RBM44: variants seen among roughly 807,000 people sequenced by gnomAD.
RBM44 encodes the protein RNA binding motif protein 44, also known as RNA-binding protein 44.
RBM44 carries 66 observed loss-of-function variants against 105.1 expected under a neutral mutation model. The ratio of observed to expected loss-of-function variants is 0.63; its 90% CI spans 0.52 to 0.77. The LOEUF (loss-of-function observed/expected upper bound fraction) is 0.77. RBM44 is among the 30% of genes least tolerant of loss of function. RBM44 has a pLI of 0.00. For synonymous variants in RBM44, 365 were observed against 417.6 expected, an observed-to-expected ratio of 0.87 and a Z score of 1.54; for missense variants, 1,122 against 1,207.8, an observed-to-expected ratio of 0.93 and a Z score of 1.05.
At chr2:237,834,653 C>T (rs2061939209) in intron 15 of RBM44, 3 of 207,788 alleles carry the variant, frequency 1.4e-5, no homozygotes, top group Non-Finnish European at 2.8e-5. Flanking sequence ...GTTTGCAGAT[C>T]AGGATTCAGG....
chr2:237,817,234 T>C lies in RBM44; in HGVS notation c.315T>C (p.Tyr105=), dbSNP rs1025486772. 3.1e-6 allele frequency: 5 copies of C among 1,605,072 alleles called. No individual in the cohort carries two copies. Among genetic ancestry groups the C allele is most frequent in the East Asian group, 2.2e-5 (1 of 44,740 alleles). ...GTGAACTTGAAGACAGTACTGACTA[T>C]GCTTTCTTGAATAAAACATATTCTA... is the stretch of plus-strand genomic sequence containing the variant. The part of the protein sequence containing the change: ...QSSELEDSTD[Y]AFLNKTYSIP... Residue 105 remains tyrosine, a synonymous_variant, in exon 3 of 16, where the codon TAT becomes TAC. Transcript: ENST00000316997.
chr2:237,812,939 T>G (rs151165802), intron 1 of RBM44, among the ~76,000 whole-genome samples: 2 of 152,338 alleles, frequency 1.3e-5, no homozygotes, highest in Admixed American at 6.5e-5. Flanking sequence ...CCCCAAAATA[T>G]GTACATCTAA....
rs2062017539 is a variant in RBM44 at position 237,842,125 on chromosome 2, A to G, written c.*309A>G. 1 of 152,122 alleles carries G rather than the reference A, an allele frequency of 6.6e-6. No homozygotes were observed. The highest frequency in any genetic ancestry group is 2.1e-4 in the South Asian group (1 of 4,824). 9.4% of individuals were successfully genotyped at this position (152,122 alleles called of 1,614,324 possible). A position where few individuals can be genotyped will look rare whatever the true frequency, so the allele number is the denominator to read the frequency against. ...AGATGCATATTTGTGATCTAAAGAAATTGTCTTGTCCATTTTAAAAACCTT... is the reference window on the plus strand; with the variant it reads ...AGATGCATATTTGTGATCTAAAGAAGTTGTCTTGTCCATTTTAAAAACCTT... On this transcript the variant is annotated 3_prime_UTR_variant, in exon 16 of 16. Transcript: ENST00000316997.
At chr2:237,827,387 G>T (rs372759637) in intron 11 of RBM44, 46 bp from the exon 12 acceptor site, 6 of 1,461,910 alleles carry the variant, frequency 4.1e-6, no homozygotes, top group East Asian at 2.4e-5. Context: ...GTTCATATTT[G>T]TTGTTTTTTT....
At chr2:237,811,560 G>A (rs78706467) in intron 1 of RBM44, among the ~76,000 whole-genome samples, 1,608 of 151,950 alleles carry the variant, frequency 0.011, 16 homozygotes, top group Middle Eastern at 0.027. Flanking sequence ...ATGAGCCACC[G>A]TGCCCAGCTA....
intron 1 of RBM44, among the ~76,000 whole-genome samples, chr2:237,802,505 GT>G (rs2061555238): frequency 6.6e-6 from 1 of 152,164 alleles, no homozygotes; most frequent in African/African-American, 2.4e-5. Flanking sequence ...TACCAAAAAG[GT>G]TGTGGACTGT....
rs1369281267 is a variant in RBM44, at chr2:237,818,634, A to G, written c.1677+38A>G. The G allele has an allele frequency of 7.4e-7, 1 of 1,356,660 alleles. No individual in the cohort carries two copies. The highest frequency in any genetic ancestry group is 1.5e-5 in the African/African-American group (1 of 67,728). 84.0% of individuals were successfully genotyped at this position (1,356,660 alleles called of 1,614,324 possible). A position where few individuals can be genotyped will look rare whatever the true frequency, so the allele number is the denominator to read the frequency against. On this transcript the variant is annotated intron_variant, in intron 3 of 15. Coordinates refer to ENST00000316997, the MANE Select transcript of RBM44 (RefSeq NM_001080504.3). This position sits in a 1 kb window ranked among gnomAD's most constrained non-coding sequence, Gnocchi z 4.6. ...TGAGTAATAATAAAATTTGGACTTT[A>G]TAAAGAGACAGTGTATGCTAATGTA... is the stretch of plus-strand genomic sequence containing the variant.
At chr2:237,840,343 G>T (rs1456179614) in intron 15 of RBM44, among the ~76,000 whole-genome samples, 1 of 152,114 alleles carries the variant, frequency 6.6e-6, no homozygotes, top group Non-Finnish European at 1.5e-5. Flanking sequence ...AATAAATGGT[G>T]CTGGGATAAC....
Position 237,833,979 on chromosome 2 carries a change from T to G in RBM44, c.2887-18T>G. On this transcript the variant is annotated intron_variant, in intron 13 of 15. Coordinates refer to ENST00000316997, the MANE Select transcript of RBM44 (RefSeq NM_001080504.3). ...GGTCCTTACTGATTTTAAGAAAACT[T>G]TTTAAATGCTTATTTAGGGTGTCAA... 2.7e-6 allele frequency: 4 copies of G among 1,466,306 alleles called. No individual in the cohort carries two copies. Among genetic ancestry groups the G allele is most frequent in the Non-Finnish European group, 3.6e-6 (4 of 1,097,820 alleles). 90.8% of individuals were successfully genotyped at this position (1,466,306 alleles called of 1,614,324 possible). A position where few individuals can be genotyped will look rare whatever the true frequency, so the allele number is the denominator to read the frequency against.
At position 237,815,116 on chromosome 2, in the gene RBM44, A is replaced by G. The variant is rs534019291; in HGVS notation, c.73+1434A>G. Among the ~76,000 whole-genome samples the G allele has an allele frequency of 1.7e-4, 26 of 152,232 alleles. No individual in the cohort carries two copies. In the South Asian group the frequency reaches 5.2e-3, roughly 30 times the overall value. On this transcript the variant is annotated intron_variant, in intron 2 of 15. Coordinates refer to ENST00000316997, the MANE Select transcript of RBM44 (RefSeq NM_001080504.3). ...GAAGATTGCTTGATGCAAGTCTAGC[A>G]CCCAGGCAACATAGCAAGACCCTGT... is the stretch of plus-strand genomic sequence containing the variant.
intron 4 of RBM44, 64 bp downstream of exon 4, chr2:237,819,023 C>T: frequency 3.7e-6 from 3 of 815,314 alleles, no homozygotes; most frequent in South Asian, 3.6e-5. Context: ...TATTTGCTTT[C>T]TGTATAGCAT....
chr2:237,838,497 C>G (rs2061980625), intron 15 of RBM44, among the ~76,000 whole-genome samples: 1 of 119,282 alleles, frequency 8.4e-6, no homozygotes, highest in Non-Finnish European at 1.9e-5. Flanking sequence ...TCAATATTGA[C>G]TGTAGAAACA....
chr2:237,821,244 T>G lies in RBM44; in HGVS notation c.2087T>G (p.Phe696Cys). The G allele has an allele frequency of 1.3e-6, 2 of 1,599,454 alleles. No individual in the cohort carries two copies. Among genetic ancestry groups the G allele is most frequent in the South Asian group, 2.2e-5 (2 of 89,122 alleles). Reference protein sequence around the residue: ...ESKLLSTFSTFASRLMKKETH... With the variant: ...ESKLLSTFSTCASRLMKKETH... The stretch of plus-strand genomic sequence containing the variant: ...AAATTATTATCTACCTTCTCTACTT[T>G]TGCTTCCAGGGTATGTATATATGTT... Residue 696 changes from phenylalanine to cysteine, a missense_variant, in exon 6 of 16, where the codon TTT becomes TGT. Physicochemically the swap from Phe to Cys is radical, Grantham distance 205. Around this residue, in one of 3 missense-constraint regions of RBM44, gnomAD observed 918 missense variants for 955.3 expected, o/e 0.96. Coordinates refer to ENST00000316997, the MANE Select transcript of RBM44 (RefSeq NM_001080504.3).
chr2:237,814,637 G>A (rs561741511), intron 2 of RBM44, among the ~76,000 whole-genome samples: 35 of 152,134 alleles, frequency 2.3e-4, no homozygotes, highest in African/African-American at 6.7e-4. Context: ...CAGTAATACA[G>A]TCATACAAAA....
intron 9 of RBM44, 31 bp from the exon 10 acceptor site, chr2:237,824,260 C>T (rs1341342778): frequency 3.7e-6 from 6 of 1,608,668 alleles, no homozygotes; most frequent in East Asian, 2.2e-5. Context: ...CGTTACGTGT[C>T]ATTCATAGCT....
At chr2:237,824,074 G>A (rs2061822007) in intron 9 of RBM44, among the ~76,000 whole-genome samples, 2 of 152,176 alleles carry the variant, frequency 1.3e-5, no homozygotes, top group Admixed American at 6.6e-5. Flanking sequence ...AAACAGATCA[G>A]TCAGACTGAA....
intron 1 of RBM44, among the ~76,000 whole-genome samples, chr2:237,810,513 GAGA>G (rs2061648352): frequency 1.3e-5 from 2 of 152,146 alleles, no homozygotes; most frequent in South Asian, 4.1e-4. Flanking sequence ...CACCTTATCA[GAGA>G]AGTATTCCTT....
At chr2:237,837,108 A>C (rs1355130394) in intron 15 of RBM44, among the ~76,000 whole-genome samples, 1 of 152,206 alleles carries the variant, frequency 6.6e-6, no homozygotes, top group Admixed American at 6.5e-5. Flanking sequence ...TAAGCTCACC[A>C]TTGAGACCTA....
At chr2:237,820,529 G>C (rs2061774845) in intron 5 of RBM44, 178 bp downstream of exon 5, 1 of 445,174 alleles carries the variant, frequency 2.2e-6, no homozygotes, top group Non-Finnish European at 4.0e-6. Flanking sequence ...GGGCCACAGT[G>C]CGTGGTTGGC....
Sources: allele counts gnomAD v4.1 joint callset (sites outside exome capture counted in the v4.1 genomes callset), GRCh38; gene constraint gnomAD v4.1.1; regional missense constraint gnomAD v4.1.1; non-coding constraint Gnocchi (gnomAD v3.1); transcripts MANE v1.5; gene names NCBI Gene and HGNC (gene_info 2026-07-23, HGNC 2026-07-21).